NRG1: variants seen among roughly 807,000 people sequenced by gnomAD.
NRG1 encodes the protein pro-neuregulin-1, membrane-bound isoform.
NRG1 carries 18 observed loss-of-function variants against 63.8 expected under a neutral mutation model. The observed-to-expected ratio is 0.28, with a 90% CI of 0.19 to 0.42. The LOEUF is 0.42. NRG1 is among the 10% of genes least tolerant of loss of function. NRG1 has a pLI of 1.00. For synonymous variants in NRG1, 302 were observed against 301.3 expected, an observed-to-expected ratio of 1.00 and a Z score of -0.02; for missense variants, 762 against 814.7, an observed-to-expected ratio of 0.94 and a Z score of 0.79.
chr8:32,394,927 G>A (rs1377184258), intron 1 of NRG1, among the ~76,000 whole-genome samples: 1 of 152,152 alleles, frequency 6.6e-6, no homozygotes, highest in Non-Finnish European at 1.5e-5. Context: ...AGGAAGTATT[G>A]TCATGCTAAC....
At chr8:32,322,355 T>TTTATATATATATA (rs1554507854) in intron 1 of NRG1, among the ~76,000 whole-genome samples, 5 of 142,656 alleles carry the variant, frequency 3.5e-5, no homozygotes, top group African/African-American at 1.3e-4. Context: ...CAACCTTATT[T>TTTATATATATATA]TATATATATA....
chr8:31,791,941 C>T (rs546751118), intron 1 of NRG1, among the ~76,000 whole-genome samples: 17 of 152,272 alleles, frequency 1.1e-4, no homozygotes, highest in African/African-American at 4.1e-4. Flanking sequence ...AAGCTTTCTC[C>T]CACTGCTTAC....
At chr8:32,168,736 G>A (rs1434289941) in intron 1 of NRG1, among the ~76,000 whole-genome samples, 3 of 152,146 alleles carry the variant, frequency 2.0e-5, no homozygotes, top group East Asian at 1.9e-4. Context: ...GGCTGACCAC[G>A]TCACTTTCAT....
At chr8:31,669,795 G>A (rs928925646) in intron 1 of NRG1, among the ~76,000 whole-genome samples, 2 of 152,132 alleles carry the variant, frequency 1.3e-5, no homozygotes, top group Non-Finnish European at 2.9e-5. Flanking sequence ...ACAGATGAAG[G>A]AGGCTGGGAG....
intron 3 of NRG1, among the ~76,000 whole-genome samples, chr8:32,610,015 G>T (rs1292445077): frequency 6.6e-6 from 1 of 151,696 alleles, no homozygotes; most frequent in African/African-American, 2.4e-5. Context: ...AAAAAAAGTT[G>T]TTAAAATAAG....
intron 1 of NRG1, among the ~76,000 whole-genome samples, chr8:32,008,538 A>G (rs572803450): frequency 2.0e-5 from 3 of 152,074 alleles, no homozygotes; most frequent in African/African-American, 4.8e-5. Flanking sequence ...AGTAGAATGT[A>G]TAGTACATAT....
rs1297635080 is a variant in NRG1 at position 32,040,771 on chromosome 8, G to A, written c.37+401340G>A. Among the ~76,000 whole-genome samples the A allele has an allele frequency of 0.019, 101 of 5,266 alleles. 1 individual carries two copies. The South Asian group carries it at 0.24, about 13-fold the overall frequency. The allele number at this position is 5,266 out of a possible 152,430, so 3.5% of individuals were successfully genotyped here. A position where few individuals can be genotyped will look rare whatever the true frequency, so the allele number is the denominator to read the frequency against. On this transcript the variant is annotated intron_variant, in intron 1 of 10. Transcript: ENST00000519301. ...GGCGCATATATATATATATATATGC[G>A]CCTAAATTTCAGCACTAAATATTAA... is the stretch of plus-strand genomic sequence containing the variant.
chr8:32,733,564 G>A (rs766617905), intron 6 of NRG1, among the ~76,000 whole-genome samples: 2 of 152,152 alleles, frequency 1.3e-5, no homozygotes, highest in East Asian at 3.9e-4. Context: ...GAGCAGTAGG[G>A]TATTAAAATC....
chr8:32,072,557 G>GT (rs146545184), intron 1 of NRG1, among the ~76,000 whole-genome samples: 4,063 of 152,080 alleles, frequency 0.027, 184 homozygotes, highest in African/African-American at 0.09. Flanking sequence ...TCTTTTAATT[G>GT]TTTTTTACAA....
intron 1 of NRG1, among the ~76,000 whole-genome samples, chr8:32,568,192 C>G (rs532051315): frequency 3.9e-5 from 6 of 152,228 alleles, no homozygotes; most frequent in African/African-American, 1.2e-4. Flanking sequence ...CTCATTCTCT[C>G]TTGACAGTTG....
At chr8:31,899,109 CTTT>C (rs35827479) in intron 1 of NRG1, among the ~76,000 whole-genome samples, 1 of 147,542 alleles carries the variant, frequency 6.8e-6, no homozygotes. Flanking sequence ...TTTAAGTTTC[CTTT>C]TTTTTTTTTG....
intron 1 of NRG1, chr8:32,061,738 T>G (rs554075455): frequency 2.4e-4 from 37 of 152,094 alleles, no homozygotes; most frequent in African/African-American, 8.9e-4. Context: ...ACAAGGCTAG[T>G]GAAGGAAGGA....
At chr8:31,970,359 T>C (rs776806399) in intron 1 of NRG1, among the ~76,000 whole-genome samples, 11 of 152,300 alleles carry the variant, frequency 7.2e-5, no homozygotes, top group Middle Eastern at 3.4e-3. Context: ...TGCTACCCTA[T>C]GGACATTGCT....
At chr8:32,758,158 A>G (rs189860030) in intron 9 of NRG1, among the ~76,000 whole-genome samples, 3 of 152,294 alleles carry the variant, frequency 2.0e-5, no homozygotes, top group Admixed American at 2.0e-4. Flanking sequence ...ATTCCTTTCT[A>G]TTGGTTTTCC....
chr8:31,847,797 C>T (rs572301774), intron 1 of NRG1, among the ~76,000 whole-genome samples: 1 of 152,334 alleles, frequency 6.6e-6, no homozygotes, highest in South Asian at 2.1e-4. Context: ...ACTGTAAGCT[C>T]ATACTGTCCT....
chr8:32,721,734 C>A, intron 5 of NRG1: 1 of 808,802 alleles, frequency 1.2e-6, no homozygotes, highest in South Asian at 5.1e-5. Flanking sequence ...GACAAGGCTT[C>A]CGTGGTTCTG....
chr8:32,533,558 A>C (rs529964188), intron 1 of NRG1, among the ~76,000 whole-genome samples: 2 of 152,192 alleles, frequency 1.3e-5, no homozygotes, highest in South Asian at 2.1e-4. Flanking sequence ...CTTTTGAACA[A>C]ATTTTATTTT....
At position 32,446,581 on chromosome 8, in the gene NRG1, A is replaced by G. The variant is rs932859502; in HGVS notation, c.38-149247A>G. 2.6e-5 allele frequency among the ~76,000 whole-genome samples: 4 copies of G among 152,070 alleles called. No individual in the cohort carries two copies. The South Asian group carries it at 8.3e-4, about 32-fold the overall frequency. ...AAGGCACAATAATTGCTTGAACCAG[A>G]GAAGTGGAGATTGCAGTGAGCCAAG... On this transcript the variant is annotated intron_variant, in intron 1 of 10. Transcript: ENST00000519301.
At chr8:31,813,395 C>T (rs1413872589) in intron 1 of NRG1, among the ~76,000 whole-genome samples, 3 of 151,912 alleles carry the variant, frequency 2.0e-5, no homozygotes, top group African/African-American at 7.3e-5. Flanking sequence ...AGCATTTATC[C>T]TTTCAATTAA....
Sources: allele counts gnomAD v4.1 joint callset (sites outside exome capture counted in the v4.1 genomes callset), GRCh38; gene constraint gnomAD v4.1.1; transcripts MANE v1.5; gene names NCBI Gene and HGNC (gene_info 2026-07-23, HGNC 2026-07-21).